ALDH1A2: variants seen among roughly 807,000 people sequenced by gnomAD.
ALDH1A2 encodes retinal dehydrogenase 2.
Under a neutral mutation model 60.3 loss-of-function variants are expected in ALDH1A2, and 27 were observed. The ratio of observed to expected loss-of-function variants is 0.45; its 90% CI spans 0.33 to 0.62. The LOEUF (loss-of-function observed/expected upper bound fraction) is 0.62, where lower values mean the gene tolerates loss of function less well. Among genes scored for constraint, ALDH1A2 ranks in the 20% least tolerant of loss-of-function variants. The pLI is 0.02. For missense variants in ALDH1A2, 581 were observed against 643.8 expected (o/e 0.90, Z 1.06); for synonymous variants, 289 against 232.4 (o/e 1.24, Z -2.21).
At chr15:58,023,643 T>C (rs1286212056) in intron 1 of ALDH1A2, among the ~76,000 whole-genome samples, 3 of 115,800 alleles carry the variant, frequency 2.6e-5, no homozygotes, top group East Asian at 4.7e-4. Context: ...TGAGATGGTA[T>C]ATTCAAAGTG....
chr15:57,978,490 T>G (rs1378298263), intron 7 of ALDH1A2, among the ~76,000 whole-genome samples: 1 of 152,266 alleles, frequency 6.6e-6, no homozygotes, highest in African/African-American at 2.4e-5. Context: ...TTACATTTAT[T>G]GATCTGCATA....
At chr15:58,047,170 A>G (rs1300588257) in intron 1 of ALDH1A2, among the ~76,000 whole-genome samples, 1 of 152,058 alleles carries the variant, frequency 6.6e-6, no homozygotes. Flanking sequence ...GTTAGGTGTA[A>G]ATAATTTCCT....
intron 7 of ALDH1A2, among the ~76,000 whole-genome samples, chr15:57,973,782 A>G (rs570844903): frequency 1.3e-5 from 2 of 152,334 alleles, no homozygotes; most frequent in Non-Finnish European, 2.9e-5. Context: ...TTCCCCTCCA[A>G]ATGAATGTAA....
chr15:58,001,625 C>T (rs886782057), intron 4 of ALDH1A2, among the ~76,000 whole-genome samples: 2 of 151,840 alleles, frequency 1.3e-5, no homozygotes, highest in African/African-American at 4.8e-5. Context: ...AAATTAAAGC[C>T]AATTTTCCAT....
chr15:57,958,477 T>C (rs1035238980), intron 12 of ALDH1A2, among the ~76,000 whole-genome samples: 1 of 152,096 alleles, frequency 6.6e-6, no homozygotes, highest in Non-Finnish European at 1.5e-5. Context: ...TCTCTGAGCC[T>C]GGGAATTAAG....
intron 7 of ALDH1A2, chr15:57,980,482 C>T: frequency 3.6e-6 from 1 of 277,376 alleles, no homozygotes; most frequent in Non-Finnish European, 7.6e-6. Flanking sequence ...TAATCCCGTC[C>T]TTCAGGCTCT....
At chr15:58,020,101 A>G (rs1331646923) in intron 1 of ALDH1A2, among the ~76,000 whole-genome samples, 7 of 150,586 alleles carry the variant, frequency 4.6e-5, no homozygotes, top group African/African-American at 1.7e-4. Flanking sequence ...TTCCTGTGTT[A>G]GTTTGCTGAG....
intron 4 of ALDH1A2, among the ~76,000 whole-genome samples, chr15:57,999,346 A>T (rs1187110048): frequency 1.3e-5 from 2 of 152,158 alleles, no homozygotes; most frequent in African/African-American, 2.4e-5. Context: ...CAAATTTAGA[A>T]GAAAAAAATA....
intron 4 of ALDH1A2, among the ~76,000 whole-genome samples, chr15:58,005,165 C>T (rs1372368): frequency 0.36 from 54,582 of 151,550 alleles, 10,673 homozygotes; most frequent in Non-Finnish European, 0.46. Flanking sequence ...GTGCCAGCTA[C>T]TCCCACTGCC....
intron 1 of ALDH1A2, among the ~76,000 whole-genome samples, chr15:58,058,291 A>G (rs1896944654): frequency 6.6e-6 from 1 of 152,016 alleles, no homozygotes; most frequent in Admixed American, 6.6e-5. Flanking sequence ...AAGGGGAAGT[A>G]GGTTATTTTT....
intron 1 of ALDH1A2, among the ~76,000 whole-genome samples, chr15:58,063,153 CTA>C (rs1897085477): frequency 6.6e-6 from 1 of 152,154 alleles, no homozygotes; most frequent in African/African-American, 2.4e-5. Context: ...AGTAGTGACT[CTA>C]TGTGGGTCCC....
Position 57,993,124 on chromosome 15 carries a change from CT to C in ALDH1A2, c.556-52del, listed in dbSNP as rs754321756. 45 of 1,602,390 alleles carry C rather than the reference CT, an allele frequency of 2.8e-5. No individual in the cohort carries two copies. The East Asian group carries it at 9.4e-4, about 33-fold the overall frequency. On this transcript the variant is annotated intron_variant, in intron 5 of 12. Transcript: ENST00000249750. ...TAGATGGAAAAACATTCTTCCACTA[CT>C]TTGTTTTCAAGCTGTGACTTCTCAT...
Position 57,953,568 on chromosome 15 carries a change from C to T in ALDH1A2, c.*1629G>A, listed in dbSNP as rs573466400. On this transcript the variant is annotated 3_prime_UTR_variant, in exon 13 of 13. Coordinates refer to ENST00000249750, the MANE Select transcript of ALDH1A2 (RefSeq NM_003888.4). ...GTGGCTATGTCCACTTGGACACATG[C>T]TACAGGAGGGCAGCATTCACATGGA... 6.5e-6 allele frequency: 1 copy of T among 152,728 alleles called. No individual in the cohort carries two copies. The highest frequency in any genetic ancestry group is 2.4e-5 in the African/African-American group (1 of 41,434). 9.5% of individuals were successfully genotyped at this position (152,728 alleles called of 1,614,324 possible).
At chr15:58,009,388 C>G (rs1235296678) in intron 4 of ALDH1A2, among the ~76,000 whole-genome samples, 1 of 151,924 alleles carries the variant, frequency 6.6e-6, no homozygotes, top group African/African-American at 2.4e-5. Flanking sequence ...AGAACTATTC[C>G]CAGCCATCCA....
chr15:58,059,129 G>A (rs1208496368), intron 1 of ALDH1A2, among the ~76,000 whole-genome samples: 2 of 152,158 alleles, frequency 1.3e-5, no homozygotes, highest in Admixed American at 6.5e-5. Context: ...AAATACCAGT[G>A]ATAAGTAATT....
intron 7 of ALDH1A2, among the ~76,000 whole-genome samples, chr15:57,968,528 C>T (rs962695292): frequency 6.6e-6 from 1 of 152,218 alleles, no homozygotes. Context: ...TAATGTGTGC[C>T]ACATACCATC....
At position 57,995,217 on chromosome 15, in the gene ALDH1A2, C is replaced by CAAAAA. The variant is rs34068380; in HGVS notation, c.494-83_494-79dup. The CAAAAA allele has an allele frequency of 4.4e-3, 1,273 of 286,708 alleles. 25 individuals are homozygous for CAAAAA. The highest frequency in any genetic ancestry group is 8.4e-3 in the South Asian group (181 of 21,500). 17.8% of individuals were successfully genotyped at this position (286,708 alleles called of 1,614,324 possible). A position where few individuals can be genotyped will look rare whatever the true frequency, so the allele number is the denominator to read the frequency against. ...TGCAAAGGGAGAACTTTGGTGGCTGCAAAAAAAAAAAAAAAAAAACAAACA... is the reference window on the plus strand; with the variant it reads ...TGCAAAGGGAGAACTTTGGTGGCTGCAAAAAAAAAAAAAAAAAAAAAAAACAAACA... On this transcript the variant is annotated intron_variant, in intron 4 of 12. Coordinates refer to ENST00000249750, the MANE Select transcript of ALDH1A2 (RefSeq NM_003888.4).
intron 4 of ALDH1A2, among the ~76,000 whole-genome samples, chr15:58,003,300 C>T (rs887695040): frequency 4.0e-5 from 6 of 151,808 alleles, no homozygotes; most frequent in Non-Finnish European, 8.8e-5. Flanking sequence ...AGCAAATCAC[C>T]CCTCACTCTT....
chr15:58,045,250 G>T (rs1896608827), intron 1 of ALDH1A2, among the ~76,000 whole-genome samples: 1 of 152,040 alleles, frequency 6.6e-6, no homozygotes, highest in Non-Finnish European at 1.5e-5. Context: ...AACAATAGAT[G>T]CTGGAGAGGA....
Sources: allele counts gnomAD v4.1 joint callset (sites outside exome capture counted in the v4.1 genomes callset), GRCh38; gene constraint gnomAD v4.1.1; transcripts MANE v1.5; gene names NCBI Gene and HGNC (gene_info 2026-07-23, HGNC 2026-07-21).